ANKS1B: variants seen among roughly 807,000 people sequenced by gnomAD.
ANKS1B encodes ankyrin repeat and sterile alpha motif domain containing 1B.
A neutral mutation model predicts 148.3 loss-of-function variants in ANKS1B; 36 were observed. The ratio of observed to expected loss-of-function variants is 0.24; its 90% CI spans 0.19 to 0.32. ANKS1B has a LOEUF of 0.32. Among genes scored for constraint, ANKS1B ranks in the 10% least tolerant of loss-of-function variants. ANKS1B has a pLI of 1.00. For synonymous variants in ANKS1B, 542 were observed against 560.8 expected, an observed-to-expected ratio of 0.97 and a Z score of 0.47; for missense variants, 1,157 against 1,542.6, an observed-to-expected ratio of 0.75 and a Z score of 4.19.
chr12:99,333,247 C>T (rs2087947837), intron 12 of ANKS1B, among the ~76,000 whole-genome samples: 1 of 152,006 alleles, frequency 6.6e-6, no homozygotes, highest in East Asian at 1.9e-4. Flanking sequence ...CAAGAGAATG[C>T]TTTAGACTGG....
At chr12:98,803,715 G>T (rs1364866861) in intron 20 of ANKS1B, among the ~76,000 whole-genome samples, 3 of 152,328 alleles carry the variant, frequency 2.0e-5, no homozygotes, top group Non-Finnish European at 4.4e-5. Context: ...AGGGCTGGGG[G>T]TGGGAATGAG....
chr12:99,310,182 CAT>C (rs752953073), intron 12 of ANKS1B, among the ~76,000 whole-genome samples: 1 of 152,070 alleles, frequency 6.6e-6, no homozygotes, highest in Non-Finnish European at 1.5e-5. Context: ...GAAATAATAA[CAT>C]GTTTTCAACT....
At chr12:99,527,058 C>G (rs1007256655) in intron 9 of ANKS1B, among the ~76,000 whole-genome samples, 12 of 152,134 alleles carry the variant, frequency 7.9e-5, no homozygotes, top group Non-Finnish European at 7.4e-5. Context: ...GGAACAAATT[C>G]TCTCTCACAG....
At chr12:98,742,245 T>C (rs113851336), downstream of ANKS1B, among the ~76,000 whole-genome samples, 1 of 152,166 alleles carries the variant, frequency 6.6e-6, no homozygotes, top group East Asian at 1.9e-4. Flanking sequence ...GGTGACCCCA[T>C]TGGAGATGAC....
chr12:99,157,199 A>G (rs1310862460), intron 14 of ANKS1B, among the ~76,000 whole-genome samples: 1 of 152,254 alleles, frequency 6.6e-6, no homozygotes, highest in African/African-American at 2.4e-5. Flanking sequence ...AGCTAAAAAC[A>G]AGATACTATT....
intron 1 of ANKS1B, among the ~76,000 whole-genome samples, chr12:99,908,649 G>C (rs2093883144): frequency 6.6e-6 from 1 of 152,130 alleles, no homozygotes; most frequent in Non-Finnish European, 1.5e-5. Flanking sequence ...AAGTTATTAA[G>C]AAGCCAATGT....
chr12:99,578,444 C>T (rs929811258), intron 9 of ANKS1B, among the ~76,000 whole-genome samples: 1 of 152,116 alleles, frequency 6.6e-6, no homozygotes, highest in Non-Finnish European at 1.5e-5. Context: ...TATGATTCTA[C>T]ACTTAGAAAA....
chr12:99,063,460 C>T (rs2043088153), intron 16 of ANKS1B, among the ~76,000 whole-genome samples: 1 of 152,188 alleles, frequency 6.6e-6, no homozygotes, highest in African/African-American at 2.4e-5. Flanking sequence ...TTAGACATCA[C>T]TGTGCTGTTT....
chr12:98,917,743 A>G (rs2099796328), intron 17 of ANKS1B, among the ~76,000 whole-genome samples: 1 of 152,188 alleles, frequency 6.6e-6, no homozygotes, highest in African/African-American at 2.4e-5. Flanking sequence ...AGTGAAGCAA[A>G]TCCTGCGTGA....
chr12:99,781,172 A>G (rs2064280435), intron 5 of ANKS1B, among the ~76,000 whole-genome samples: 1 of 152,116 alleles, frequency 6.6e-6, no homozygotes, highest in African/African-American at 2.4e-5. Context: ...ACCAGCACAT[A>G]TTAATATTTA....
chr12:99,932,161 A>G (rs971462515), intron 1 of ANKS1B, among the ~76,000 whole-genome samples: 12 of 152,090 alleles, frequency 7.9e-5, no homozygotes, highest in African/African-American at 2.7e-4. Context: ...TTCTTCATCT[A>G]TTTGTCTGTT....
intron 12 of ANKS1B, among the ~76,000 whole-genome samples, chr12:99,287,300 G>A (rs1434827184): frequency 6.6e-6 from 1 of 152,140 alleles, no homozygotes; most frequent in East Asian, 1.9e-4. Flanking sequence ...CCTAAGACCA[G>A]GAAGGTGGTA....
At chr12:99,578,688 G>T (rs1020521819) in intron 9 of ANKS1B, among the ~76,000 whole-genome samples, 1 of 152,172 alleles carries the variant, frequency 6.6e-6, no homozygotes, top group Non-Finnish European at 1.5e-5. Context: ...ACTGCTGAAA[G>T]AAATGAGAGA....
chr12:99,075,529 A>C (rs1375870741), intron 16 of ANKS1B, among the ~76,000 whole-genome samples: 1 of 152,226 alleles, frequency 6.6e-6, no homozygotes, highest in African/African-American at 2.4e-5. Flanking sequence ...GAATAATAAA[A>C]GGGATCTGAA....
chr12:99,338,206 T>C (rs2089299912), intron 12 of ANKS1B, among the ~76,000 whole-genome samples: 1 of 152,204 alleles, frequency 6.6e-6, no homozygotes, highest in South Asian at 2.1e-4. Context: ...CGCTTGGTAC[T>C]ATTCTACTGC....
intron 2 of ANKS1B, among the ~76,000 whole-genome samples, chr12:99,822,449 C>T (rs1029812989): frequency 6.6e-6 from 1 of 152,120 alleles, no homozygotes; most frequent in Admixed American, 6.5e-5. Context: ...ACCCTCCCTA[C>T]CCCCTCTAGT....
intron 14 of ANKS1B, among the ~76,000 whole-genome samples, chr12:99,190,216 C>G (rs1402546583): frequency 1.3e-5 from 2 of 152,158 alleles, no homozygotes; most frequent in African/African-American, 2.4e-5. Flanking sequence ...GAAAAACATT[C>G]CATGCTCATG....
chr12:99,829,115 A>C (rs2083578915), intron 1 of ANKS1B, among the ~76,000 whole-genome samples: 1 of 152,260 alleles, frequency 6.6e-6, no homozygotes, highest in African/African-American at 2.4e-5. Flanking sequence ...ATATTGAAAA[A>C]TAGAGGTTCT....
intron 15 of ANKS1B, among the ~76,000 whole-genome samples, chr12:99,117,265 T>C (rs2061637361): frequency 6.6e-6 from 1 of 152,208 alleles, no homozygotes; most frequent in African/African-American, 2.4e-5. Context: ...GAGGGCATCC[T>C]TGTCTTGTGC....
Sources: gnomAD v4.1 joint callset for allele counts (sites outside exome capture counted in the v4.1 genomes callset) on GRCh38, gnomAD v4.1.1 for gene constraint, MANE v1.5 for transcripts, NCBI Gene and HGNC (gene_info 2026-07-23, HGNC 2026-07-21) for gene names.